ANO10: variants seen among roughly 807,000 people sequenced by gnomAD.
ANO10 encodes the protein anoctamin-10.
In ANO10, 77 loss-of-function variants were observed where a neutral mutation model predicts 74.7. The observed-to-expected ratio is 1.03, with a 90% CI of 0.86 to 1.25. ANO10 has a LOEUF of 1.25. ANO10 is among the 50% of genes most tolerant of loss of function. The probability of loss-of-function intolerance (pLI) is 0.00; values close to 1 mark genes in which losing one functional copy is unlikely to be tolerated. For synonymous variants in ANO10, 279 were observed against 284.9 expected, an observed-to-expected ratio of 0.98 and a Z score of 0.21; for missense variants, 721 against 778.1, an observed-to-expected ratio of 0.93 and a Z score of 0.87.
intron 12 of ANO10, among the ~76,000 whole-genome samples, chr3:43,382,497 C>A (rs1007930474): frequency 6.9e-6 from 1 of 144,240 alleles, no homozygotes. Flanking sequence ...CCAGCCTGGG[C>A]GACAGAGCGA....
rs80085425 is a variant in ANO10 at position 43,590,121 on chromosome 3, A to G, written c.472+8411T>C. Among the ~76,000 whole-genome samples the G allele has an allele frequency of 2.0e-5, 3 of 152,316 alleles. No homozygotes were observed. In the East Asian group the frequency reaches 5.8e-4, roughly 29 times the overall value. On this transcript the variant is annotated intron_variant, in intron 4 of 12. Transcript: ENST00000292246. ...AAACTAATGGAAAATAAACACAAAAATTGTAAGATGCTTGGGAGAAGTATT... is the reference window on the plus strand; with the variant it reads ...AAACTAATGGAAAATAAACACAAAAGTTGTAAGATGCTTGGGAGAAGTATT...
At chr3:43,582,308 CG>C (rs2081297191) in intron 4 of ANO10, among the ~76,000 whole-genome samples, 1 of 151,802 alleles carries the variant, frequency 6.6e-6, no homozygotes, top group Non-Finnish European at 1.5e-5. Context: ...AAAAATTAGC[CG>C]GGCGTGGTGG....
intron 12 of ANO10, among the ~76,000 whole-genome samples, chr3:43,375,802 A>AG (rs59290516): frequency 0.37 from 55,968 of 152,024 alleles, 11,376 homozygotes; most frequent in East Asian, 0.62. Context: ...CTGGGGGAGA[A>AG]GGTGTCTTCC....
At chr3:43,570,880 C>G (rs1430370363) in intron 7 of ANO10, among the ~76,000 whole-genome samples, 8 of 135,978 alleles carry the variant, frequency 5.9e-5, no homozygotes. Context: ...AAGAAACTAC[C>G]ATCAGAGTGA....
intron 12 of ANO10, among the ~76,000 whole-genome samples, chr3:43,417,045 G>A (rs1575726840): frequency 1.3e-5 from 2 of 152,326 alleles, no homozygotes; most frequent in African/African-American, 4.8e-5. Flanking sequence ...CCTTCACATA[G>A]TGATACAGGA....
chr3:43,392,415 C>T (rs1449872756), intron 12 of ANO10, among the ~76,000 whole-genome samples: 1 of 152,172 alleles, frequency 6.6e-6, no homozygotes, highest in Non-Finnish European at 1.5e-5. Flanking sequence ...TCCTGTTCTG[C>T]ATCTTGCAAA....
intron 11 of ANO10, among the ~76,000 whole-genome samples, chr3:43,535,011 T>C (rs958156965): frequency 6.6e-6 from 1 of 151,890 alleles, no homozygotes; most frequent in South Asian, 2.1e-4. Context: ...TCTTATTCTG[T>C]CACCCAGGCT....
chr3:43,560,615 G>A (rs2079983503), intron 9 of ANO10, among the ~76,000 whole-genome samples: 1 of 152,148 alleles, frequency 6.6e-6, no homozygotes, highest in Admixed American at 6.6e-5. Flanking sequence ...AACAGTGAAT[G>A]TAGTCAGAGC....
intron 11 of ANO10, among the ~76,000 whole-genome samples, chr3:43,536,827 A>G (rs1220194667): frequency 6.6e-6 from 1 of 152,174 alleles, no homozygotes; most frequent in Non-Finnish European, 1.5e-5. Flanking sequence ...CCTAAGCCAC[A>G]AAAGATTTTC....
chr3:43,408,810 A>C (rs2092619860), intron 12 of ANO10, among the ~76,000 whole-genome samples: 1 of 152,166 alleles, frequency 6.6e-6, no homozygotes, highest in Non-Finnish European at 1.5e-5. Context: ...CGGGTGGAAC[A>C]CTTGAGGTCA....
chr3:43,623,513 A>G (rs79533627), upstream of ANO10, among the ~76,000 whole-genome samples: 202 of 152,356 alleles, frequency 1.3e-3, no homozygotes, highest in Non-Finnish European at 2.2e-3. Context: ...TTAGGTCCAT[A>G]GCAGACAAGC....
At chr3:43,490,656 A>T (rs2076683924) in intron 11 of ANO10, among the ~76,000 whole-genome samples, 1 of 152,256 alleles carries the variant, frequency 6.6e-6, no homozygotes, top group South Asian at 2.1e-4. Flanking sequence ...AAGTATGACA[A>T]AGAAAAACAG....
chr3:43,427,081 A>T (rs757190940), intron 12 of ANO10, among the ~76,000 whole-genome samples: 16 of 152,208 alleles, frequency 1.1e-4, no homozygotes, highest in Non-Finnish European at 1.9e-4. Flanking sequence ...GTGCTGGTTT[A>T]AAAAGGAGAT....
chr3:43,667,072 GTTTTTTTT>G (rs55764466), intron 1 of ANO10, among the ~76,000 whole-genome samples: 40 of 56,138 alleles, frequency 7.1e-4, no homozygotes, highest in Admixed American at 2.6e-3. Context: ...TACAATGCAT[GTTTTTTTT>G]TTTTTTTTTT....
At chr3:43,532,001 C>T (rs958283601) in intron 11 of ANO10, among the ~76,000 whole-genome samples, 7 of 152,100 alleles carry the variant, frequency 4.6e-5, no homozygotes, top group African/African-American at 1.7e-4. Context: ...TTCACTCAGT[C>T]ACCCCGTCCA....
At chr3:43,371,300 C>T (rs2091602305) in intron 12 of ANO10, among the ~76,000 whole-genome samples, 2 of 152,152 alleles carry the variant, frequency 1.3e-5, no homozygotes, top group Admixed American at 6.5e-5. Context: ...GTGCAGGGTG[C>T]AGTGGCTGGG....
chr3:43,404,725 T>TA (rs892492354), intron 12 of ANO10, among the ~76,000 whole-genome samples: 14 of 149,812 alleles, frequency 9.3e-5, no homozygotes, highest in East Asian at 2.0e-4. Flanking sequence ...CTACAAAAAA[T>TA]AAAAAAAAAT....
chr3:43,632,376 C>A (rs1018231208), intron 1 of ANO10, among the ~76,000 whole-genome samples: 1 of 152,220 alleles, frequency 6.6e-6, no homozygotes, highest in Non-Finnish European at 1.5e-5. Context: ...TCCTTGGCTA[C>A]CTCTGTGCTG....
At chr3:43,561,673 A>G (rs899510358) in intron 8 of ANO10, among the ~76,000 whole-genome samples, 1 of 152,200 alleles carries the variant, frequency 6.6e-6, no homozygotes, top group Non-Finnish European at 1.5e-5. Context: ...AAATAATGTT[A>G]TAATAAGAAA....
Sources: allele counts gnomAD v4.1 joint callset (sites outside exome capture counted in the v4.1 genomes callset), GRCh38; gene constraint gnomAD v4.1.1; transcripts MANE v1.5; gene names NCBI Gene and HGNC (gene_info 2026-07-23, HGNC 2026-07-21).